GPC5: variants seen among roughly 807,000 people sequenced by gnomAD.
GPC5 encodes the protein glypican 5, also known as glypican-5.
GPC5 carries 47 observed loss-of-function variants against 53.9 expected under a neutral mutation model. That is an observed-to-expected ratio of 0.87 (90% confidence interval 0.69 to 1.11). The LOEUF is 1.11. GPC5 is among the 50% of genes most tolerant of loss of function. GPC5 has a pLI of 0.00. For missense variants in GPC5, 748 were observed against 713.1 expected, an observed-to-expected ratio of 1.05 and a Z score of -0.56; for synonymous variants, 286 against 263.3, an observed-to-expected ratio of 1.09 and a Z score of -0.84.
intron 7 of GPC5, among the ~76,000 whole-genome samples, chr13:92,378,355 GTTCATCAT>G (rs1221359346): frequency 6.6e-6 from 1 of 152,152 alleles, no homozygotes; most frequent in Admixed American, 6.6e-5. Flanking sequence ...ATCCATGGGT[GTTCATCAT>G]TTCATCATGA....
intron 2 of GPC5, among the ~76,000 whole-genome samples, chr13:91,541,273 T>A (rs1293523765): frequency 2.6e-5 from 4 of 152,180 alleles, no homozygotes; most frequent in African/African-American, 9.6e-5. Flanking sequence ...TCTTTTCTAC[T>A]GTGTGCAGTT....
At chr13:92,238,597 A>G (rs950599695) in intron 7 of GPC5, among the ~76,000 whole-genome samples, 1 of 152,084 alleles carries the variant, frequency 6.6e-6, no homozygotes, top group Non-Finnish European at 1.5e-5. Context: ...TATTCTAGAC[A>G]CAAGTCCATT....
intron 7 of GPC5, among the ~76,000 whole-genome samples, chr13:92,542,540 A>G (rs1881965377): frequency 6.6e-6 from 1 of 152,022 alleles, no homozygotes; most frequent in African/African-American, 2.4e-5. Context: ...AGTTTTGATT[A>G]CTTTGTTTTT....
chr13:92,398,256 C>T (rs1308186587), intron 7 of GPC5, among the ~76,000 whole-genome samples: 1 of 150,634 alleles, frequency 6.6e-6, no homozygotes, highest in Non-Finnish European at 1.5e-5. Flanking sequence ...GGTGAAACCC[C>T]GTCTCTACTA....
At chr13:91,464,675 G>T (rs1335844413) in intron 2 of GPC5, among the ~76,000 whole-genome samples, 1 of 152,126 alleles carries the variant, frequency 6.6e-6, no homozygotes, top group African/African-American at 2.4e-5. Context: ...CTGGGGTTAG[G>T]GACGGGAAGA....
chr13:91,584,851 T>C (rs1031762020), intron 2 of GPC5, among the ~76,000 whole-genome samples: 1 of 152,202 alleles, frequency 6.6e-6, no homozygotes, highest in Admixed American at 6.6e-5. Context: ...AGTGCTGGGA[T>C]TACAGGCATG....
At chr13:92,601,736 A>C (rs112501128) in intron 7 of GPC5, among the ~76,000 whole-genome samples, 3,422 of 152,108 alleles carry the variant, frequency 0.022, 110 homozygotes, top group African/African-American at 0.066. Flanking sequence ...ATAGCCTAGT[A>C]TTATTAGATT....
At chr13:92,345,510 T>C (rs1056437242) in intron 7 of GPC5, among the ~76,000 whole-genome samples, 6 of 152,100 alleles carry the variant, frequency 3.9e-5, no homozygotes, top group African/African-American at 1.4e-4. Flanking sequence ...ACAGAAAGTA[T>C]AGCTAGCAAC....
intron 7 of GPC5, among the ~76,000 whole-genome samples, chr13:92,449,452 T>C (rs9561049): frequency 0.15 from 23,311 of 152,164 alleles, 2,211 homozygotes; most frequent in East Asian, 0.46. Context: ...CCATATTATC[T>C]ATACTTTATG....
At chr13:92,218,968 C>T (rs2042430175) in intron 7 of GPC5, among the ~76,000 whole-genome samples, 1 of 152,142 alleles carries the variant, frequency 6.6e-6, no homozygotes, top group Non-Finnish European at 1.5e-5. Flanking sequence ...TTATATCATC[C>T]TCAGGCCCAA....
intron 7 of GPC5, among the ~76,000 whole-genome samples, chr13:92,530,714 A>G (rs1022986164): frequency 3.3e-5 from 5 of 152,120 alleles, no homozygotes; most frequent in Non-Finnish European, 7.4e-5. Flanking sequence ...CTATGTCAAC[A>G]CCATTTTCAC....
chr13:92,404,976 G>C (rs1347687149), intron 7 of GPC5, among the ~76,000 whole-genome samples: 1 of 150,172 alleles, frequency 6.7e-6, no homozygotes. Flanking sequence ...TAAGGAAACC[G>C]ATCTTGCCAT....
At chr13:92,388,762 A>C (rs1432647127) in intron 7 of GPC5, among the ~76,000 whole-genome samples, 2 of 152,106 alleles carry the variant, frequency 1.3e-5, no homozygotes, top group Non-Finnish European at 2.9e-5. Flanking sequence ...CATTTTAATA[A>C]GCTTTATTGA....
At chr13:92,671,224 C>A (rs1159454244) in intron 7 of GPC5, among the ~76,000 whole-genome samples, 1 of 152,090 alleles carries the variant, frequency 6.6e-6, no homozygotes, top group Non-Finnish European at 1.5e-5. Context: ...AAAAAACATT[C>A]CGAAATAAAC....
chr13:92,114,706 A>G (rs1314187602), intron 6 of GPC5, among the ~76,000 whole-genome samples: 2 of 152,346 alleles, frequency 1.3e-5, no homozygotes, highest in East Asian at 3.9e-4. Context: ...CAGTTTACAG[A>G]GATAGAGACT....
chr13:92,694,123 G>C lies in GPC5; in HGVS notation c.1562-172159G>C, dbSNP rs150721494. ...GGGCCTGCAGGTATGCAGAAGACAAGGGAGCACAATGCCTAGATTTCAAAG... is the reference window on the plus strand; with the variant it reads ...GGGCCTGCAGGTATGCAGAAGACAACGGAGCACAATGCCTAGATTTCAAAG... On this transcript the variant is annotated intron_variant, in intron 7 of 7. Coordinates refer to ENST00000377067, the MANE Select transcript of GPC5 (RefSeq NM_004466.6). Among the ~76,000 whole-genome samples the C allele has an allele frequency of 1.2e-4, 18 of 152,316 alleles. No individual in the cohort carries two copies. The East Asian group carries it at 2.3e-3, about 20-fold the overall frequency.
chr13:92,760,401 T>A (rs1875116334), intron 7 of GPC5, among the ~76,000 whole-genome samples: 1 of 152,126 alleles, frequency 6.6e-6, no homozygotes, highest in Admixed American at 6.6e-5. Flanking sequence ...TTCAACCTTG[T>A]TAGATTGTAT....
chr13:92,337,090 A>T (rs903466363), intron 7 of GPC5, among the ~76,000 whole-genome samples: 5 of 151,986 alleles, frequency 3.3e-5, no homozygotes, highest in Admixed American at 3.3e-4. Context: ...TCAAGATGAG[A>T]TTTGGGTGGA....
intron 6 of GPC5, among the ~76,000 whole-genome samples, chr13:91,996,685 C>A (rs1306439794): frequency 3.9e-5 from 6 of 152,014 alleles, no homozygotes; most frequent in Non-Finnish European, 5.9e-5. Context: ...TGGATCCCTA[C>A]CCCTCCCTCT....
Sources: allele counts gnomAD v4.1 joint callset (sites outside exome capture counted in the v4.1 genomes callset), GRCh38; gene constraint gnomAD v4.1.1; transcripts MANE v1.5; gene names NCBI Gene and HGNC (gene_info 2026-07-23, HGNC 2026-07-21).